SIRT1: variants seen among roughly 807,000 people sequenced by gnomAD.
The protein encoded by SIRT1 is sirtuin 1.
Under a neutral mutation model 67.9 loss-of-function variants are expected in SIRT1, and 24 were observed. That is an observed-to-expected ratio of 0.35 (90% CI 0.26 to 0.50). The LOEUF is 0.50. SIRT1 is among the 20% of genes least tolerant of loss of function. The pLI is 0.98. For synonymous variants in SIRT1, 378 were observed against 350.7 expected (o/e 1.08, Z -0.87); for missense variants, 873 against 937.2 (o/e 0.93, Z 0.89).
At chr10:67,905,135 A>G (rs1430283132) in intron 4 of SIRT1, among the ~76,000 whole-genome samples, 3 of 152,256 alleles carry the variant, frequency 2.0e-5, no homozygotes, top group Middle Eastern at 3.4e-3. Context: ...TATAGGTCCT[A>G]TTTTATCTGT....
intron 7 of SIRT1, among the ~76,000 whole-genome samples, chr10:67,911,377 A>G (rs1292354704): frequency 6.6e-6 from 1 of 151,920 alleles, no homozygotes; most frequent in African/African-American, 2.4e-5. Context: ...TTTTTTTTGT[A>G]GAAACGGGAT....
Position 67,906,871 on chromosome 10 carries a change from A to G in SIRT1, c.1024A>G (p.Asn342Asp). The change falls in exon 5 of 9, where the codon AAC becomes GAC. Residue 342 changes from asparagine (N) to aspartate (D), a missense_variant. Physicochemically the swap from Asn to Asp is conservative, Grantham distance 23. Around this residue, in one of 3 missense-constraint regions of SIRT1, gnomAD observed 251 missense variants for 358.8 expected, o/e 0.70. Transcript: ENST00000212015. ...LSDKEGKLLRNYTQNIDTLEQ... is the reference protein window; with the variant it reads ...LSDKEGKLLRDYTQNIDTLEQ... The stretch of plus-strand genomic sequence containing the variant: ...AGATAAGGAAGGAAAACTACTTCGC[A>G]ACTATACCCAGAACATAGACACGCT... 6.2e-7 allele frequency: 1 copy of G among 1,613,384 alleles called. No homozygotes were observed. Among genetic ancestry groups the G allele is most frequent in the Non-Finnish European group, 8.5e-7 (1 of 1,179,714 alleles).
chr10:67,909,463 G>T (rs995091713), intron 7 of SIRT1, 21 bp downstream of exon 7: 1 of 1,586,786 alleles, frequency 6.3e-7, no homozygotes, highest in African/African-American at 1.4e-5. Flanking sequence ...GATGGTTTTT[G>T]GAGAACATTT....
At chr10:67,888,300 AATTT>A (rs951657993) in intron 2 of SIRT1, among the ~76,000 whole-genome samples, 27 of 152,200 alleles carry the variant, frequency 1.8e-4, no homozygotes, top group East Asian at 3.9e-4. Flanking sequence ...TGGTGTCTGT[AATTT>A]ATTTATTTAT....
chr10:67,893,144 T>C (rs980262701), intron 4 of SIRT1, among the ~76,000 whole-genome samples: 5 of 124,536 alleles, frequency 4.0e-5, no homozygotes, highest in African/African-American at 1.3e-4. Context: ...TTTATTTTAT[T>C]TTACTTTAAG....
chr10:67,896,222 G>A (rs977214565), intron 4 of SIRT1, among the ~76,000 whole-genome samples: 25 of 152,062 alleles, frequency 1.6e-4, no homozygotes, highest in African/African-American at 5.8e-4. Context: ...TGAACTCCTG[G>A]GCTCCTTGAA....
chr10:67,908,721 G>A (rs556931498), intron 6 of SIRT1, among the ~76,000 whole-genome samples: 5 of 152,242 alleles, frequency 3.3e-5, no homozygotes, highest in South Asian at 2.1e-4. Flanking sequence ...GGCCAACATG[G>A]CAAAACCCCG....
chr10:67,906,333 C>G lies in SIRT1; in HGVS notation c.943-457C>G, dbSNP rs1486876731. On this transcript the variant is annotated intron_variant, in intron 4 of 8. Coordinates refer to ENST00000212015, the MANE Select transcript of SIRT1 (RefSeq NM_012238.5). ...TTTAAACTTCCAGCAGGTTGATATT[C>G]TAATGAATGATAAATCAAAAAAAAA... 3.3e-6 allele frequency: 5 copies of G among 1,523,208 alleles called. No individual in the cohort carries two copies. The Admixed American group carries it at 1.1e-4, about 35-fold the overall frequency. The allele number at this position is 1,523,208 out of a possible 1,614,324, so 94.4% of individuals were successfully genotyped here.
chr10:67,904,827 A>G (rs2131876941), intron 4 of SIRT1, among the ~76,000 whole-genome samples: 1 of 146,140 alleles, frequency 6.8e-6, no homozygotes, highest in East Asian at 2.0e-4. Flanking sequence ...CTGGGCAAAA[A>G]GAGCGAAACT....
At chr10:67,914,801 G>C (rs1352181623) in intron 8 of SIRT1, among the ~76,000 whole-genome samples, 1 of 150,916 alleles carries the variant, frequency 6.6e-6, no homozygotes, top group African/African-American at 2.4e-5. Flanking sequence ...TCCGCCTCCC[G>C]GGTTCAAGCG....
At chr10:67,898,458 TTTA>T (rs1842693361) in intron 4 of SIRT1, among the ~76,000 whole-genome samples, 1 of 152,150 alleles carries the variant, frequency 6.6e-6, no homozygotes, top group African/African-American at 2.4e-5. Flanking sequence ...AAATTATTAC[TTTA>T]TTGATAATAT....
intron 4 of SIRT1, 43 bp from the exon 5 acceptor site, chr10:67,906,747 T>C (rs202194354): frequency 1.3e-6 from 2 of 1,583,402 alleles, no homozygotes; most frequent in Non-Finnish European, 1.7e-6. Context: ...ATCTGTAGTT[T>C]ATTTCACTAA....
intron 7 of SIRT1, among the ~76,000 whole-genome samples, chr10:67,911,741 T>G (rs1212006589): frequency 6.7e-6 from 1 of 149,374 alleles, no homozygotes; most frequent in Non-Finnish European, 1.5e-5. Context: ...CTGTCTGTCC[T>G]TCCTTCCGTT....
chr10:67,912,079 A>G (rs941589778), intron 7 of SIRT1, among the ~76,000 whole-genome samples: 2 of 152,060 alleles, frequency 1.3e-5, no homozygotes, highest in Non-Finnish European at 2.9e-5. Context: ...TCTTTATATC[A>G]GGAGCTACTT....
intron 4 of SIRT1, among the ~76,000 whole-genome samples, chr10:67,903,356 T>C (rs1842771799): frequency 6.6e-6 from 1 of 151,842 alleles, no homozygotes; most frequent in Admixed American, 6.6e-5. Flanking sequence ...AAAGGCATAA[T>C]CTCTGCAGAA....
In SIRT1 at chr10:67,903,068, G is replaced by A. The variant is rs34065867; in HGVS notation, c.943-3722G>A. Among the ~76,000 whole-genome samples, 448 of 152,230 alleles carry A rather than the reference G, an allele frequency of 2.9e-3. 3 individuals are homozygous for A. The highest frequency in any genetic ancestry group is 0.01 in the African/African-American group (423 of 41,530). On this transcript the variant is annotated intron_variant, in intron 4 of 8. Coordinates refer to ENST00000212015, the MANE Select transcript of SIRT1 (RefSeq NM_012238.5). ...AGATTGTGCCATTGCACTCCATCCT[G>A]GGTGACAGAGCGAGACTCTCAAAAA...
intron 4 of SIRT1, among the ~76,000 whole-genome samples, chr10:67,894,571 A>G (rs1472788643): frequency 6.6e-6 from 1 of 152,172 alleles, no homozygotes; most frequent in East Asian, 1.9e-4. Flanking sequence ...GCAAGTAACT[A>G]GAAGTTACTT....
intron 4 of SIRT1, among the ~76,000 whole-genome samples, chr10:67,905,024 C>T (rs1450737012): frequency 6.6e-5 from 10 of 152,046 alleles, no homozygotes; most frequent in African/African-American, 2.4e-4. Flanking sequence ...AATTCAGGGA[C>T]GGTGGAGTCT....
chr10:67,909,719 C>T (rs1430840364), intron 7 of SIRT1, among the ~76,000 whole-genome samples: 1 of 152,018 alleles, frequency 6.6e-6, no homozygotes, highest in African/African-American at 2.4e-5. Flanking sequence ...GGATCACAGG[C>T]GTCCACCAAC....
Sources: gnomAD v4.1 joint callset for allele counts (sites outside exome capture counted in the v4.1 genomes callset) on GRCh38, gnomAD v4.1.1 for gene constraint, gnomAD v4.1.1 regional missense constraint, MANE v1.5 for transcripts, NCBI Gene and HGNC (gene_info 2026-07-23, HGNC 2026-07-21) for gene names.